Variants in SPATA13 observed in about 807,000 individuals in gnomAD.
SPATA13 encodes the protein spermatogenesis associated 13, also known as spermatogenesis-associated protein 13.
In SPATA13, 50 loss-of-function variants were observed where a neutral mutation model predicts 104.0. The observed-to-expected ratio is 0.48, with a 90% CI of 0.38 to 0.61. The LOEUF is 0.61. Ranked by LOEUF, SPATA13 falls within the 20% of genes least tolerant of loss-of-function variation. SPATA13 has a pLI of 0.00. For missense variants in SPATA13, 1,524 were observed against 1,690.6 expected, an observed-to-expected ratio of 0.90 and a Z score of 1.73; for synonymous variants, 606 against 667.5, an observed-to-expected ratio of 0.91 and a Z score of 1.42.
At chr13:24,233,679 A>G (rs750967768) in intron 2 of SPATA13, among the ~76,000 whole-genome samples, 2 of 152,206 alleles carry the variant, frequency 1.3e-5, no homozygotes, top group Non-Finnish European at 2.9e-5. Flanking sequence ...TTATTACCTA[A>G]TTCTTTTTCA....
intron 1 of SPATA13, among the ~76,000 whole-genome samples, chr13:23,980,952 G>A (rs1384257780): frequency 6.6e-6 from 1 of 152,070 alleles, no homozygotes; most frequent in Admixed American, 6.5e-5. Flanking sequence ...TCTACTGATG[G>A]GAGTTCCTTA....
chr13:24,011,249 G>A lies in SPATA13; in HGVS notation c.-146-6418G>A, dbSNP rs1303820774. On this transcript the variant is annotated intron_variant, in intron 2 of 14. Coordinates refer to the SPATA13 transcript ENST00000424834. The surrounding 1 kb of genome is among the most constrained non-coding windows in gnomAD (Gnocchi z 4.3). ...CGGAGCTCCCACCTGCCTCCCAGGGGAGTGGGCATCCACCCTGAGCACCTG... is the reference window on the plus strand; with the variant it reads ...CGGAGCTCCCACCTGCCTCCCAGGGAAGTGGGCATCCACCCTGAGCACCTG... Among the ~76,000 whole-genome samples the A allele has an allele frequency of 6.6e-6, 1 of 150,614 alleles. No individual in the cohort carries two copies. Among genetic ancestry groups the A allele is most frequent in the Non-Finnish European group, 1.5e-5 (1 of 67,594 alleles).
At chr13:24,220,372 T>C (rs1871508764) in intron 1 of SPATA13, among the ~76,000 whole-genome samples, 1 of 151,942 alleles carries the variant, frequency 6.6e-6, no homozygotes, top group South Asian at 2.1e-4. Context: ...TTCTCTTCTG[T>C]ATTCAGTGCG....
At chr13:24,137,998 A>G (rs1881628468) in intron 3 of SPATA13, among the ~76,000 whole-genome samples, 1 of 152,048 alleles carries the variant, frequency 6.6e-6, no homozygotes, top group Admixed American at 6.6e-5. Flanking sequence ...TTGCCTGGAG[A>G]TGATTATAAA....
intron 3 of SPATA13, among the ~76,000 whole-genome samples, chr13:24,059,165 G>T (rs1878688080): frequency 6.6e-6 from 1 of 151,508 alleles, no homozygotes; most frequent in African/African-American, 2.4e-5. Flanking sequence ...TAGAGACGGG[G>T]TTTCACCGTG....
At chr13:24,200,547 CG>C (rs1566147132) in intron 1 of SPATA13, among the ~76,000 whole-genome samples, 1 of 152,016 alleles carries the variant, frequency 6.6e-6, no homozygotes, top group African/African-American at 2.4e-5. Context: ...ATTCTGACTT[CG>C]GGGATTATCA....
Position 24,051,890 on chromosome 13 carries a change from C to T in SPATA13, c.-112+34189C>T, listed in dbSNP as rs1044261127. 2.0e-5 allele frequency among the ~76,000 whole-genome samples: 3 copies of T among 152,290 alleles called. No individual in the cohort carries two copies. Among genetic ancestry groups the T allele is most frequent in the East Asian group, 3.9e-4 (2 of 5,184 alleles). On this transcript the variant is annotated intron_variant, in intron 3 of 14. Coordinates refer to the SPATA13 transcript ENST00000424834. The surrounding 1 kb of genome is among the most constrained non-coding windows in gnomAD (Gnocchi z 4.2). ...CCAGCCTGGGGTCCTAGGAGTTCCC[C>T]GGCACCTGTTCCTCCTCCTCAGCCC...
chr13:24,163,635 A>G (rs1334094900), intron 1 of SPATA13, among the ~76,000 whole-genome samples: 1 of 152,194 alleles, frequency 6.6e-6, no homozygotes, highest in Non-Finnish European at 1.5e-5. Flanking sequence ...TTTCTACTTT[A>G]CAGATACTGA....
At chr13:23,989,448 A>T (rs1405023841) in intron 2 of SPATA13, among the ~76,000 whole-genome samples, 1 of 152,122 alleles carries the variant, frequency 6.6e-6, no homozygotes, top group Non-Finnish European at 1.5e-5. Context: ...TACTCAAGTT[A>T]TCTTTTAAAA....
At chr13:24,123,343 C>T (rs1282117553) in intron 3 of SPATA13, 5 of 1,351,606 alleles carry the variant, frequency 3.7e-6, no homozygotes, top group African/African-American at 2.9e-5. Context: ...TCGAACTTCA[C>T]TTCACAGAAA....
rs1255972319 is a variant in SPATA13 at position 24,307,014 on chromosome 13, T to A, written c.*4241T>A. 1 of 152,278 alleles carries A rather than the reference T, an allele frequency of 6.6e-6. No individual in the cohort carries two copies. Among genetic ancestry groups the A allele is most frequent in the Non-Finnish European group, 1.5e-5 (1 of 68,052 alleles). The allele number at this position is 152,278 out of a possible 1,614,324, so 9.4% of individuals were successfully genotyped here. On this transcript the variant is annotated 3_prime_UTR_variant, in exon 13 of 13. Coordinates refer to ENST00000382108, the MANE Select transcript of SPATA13 (RefSeq NM_001166271.3). The stretch of plus-strand genomic sequence containing the variant: ...TTTACAATGTTATTTGAATGATTTT[T>A]TTAAATGCTGTGAATCTATATTTGT...
At chr13:24,120,527 C>T (rs1156560046) in intron 3 of SPATA13, among the ~76,000 whole-genome samples, 2 of 152,162 alleles carry the variant, frequency 1.3e-5, no homozygotes, top group African/African-American at 4.8e-5. Flanking sequence ...TGGATTCAAA[C>T]TCTGGCTACA....
At position 24,223,266 on chromosome 13, in the gene SPATA13, T is replaced by C; in HGVS notation, c.337T>C (p.Ser113Pro). Residue 113 changes from serine to proline, a missense_variant, in exon 2 of 13, where the codon TCC (serine) becomes CCC (proline). Around this residue, in one of 2 missense-constraint regions of SPATA13, gnomAD observed 1,089 missense variants for 1,135.9 expected, o/e 0.96. Coordinates refer to ENST00000382108, the MANE Select transcript of SPATA13 (RefSeq NM_001166271.3). ...NTLASFRKMG[S>P]FKKLKSSVLK... ...CCTCGCCTCCTTCCGGAAAATGGGA[T>C]CCTTTAAGAAACTGAAGTCCTCAGT... 2.6e-6 allele frequency: 4 copies of C among 1,551,642 alleles called. No homozygotes were observed. Among genetic ancestry groups the C allele is most frequent in the Non-Finnish European group, 3.5e-6 (4 of 1,146,976 alleles).
At chr13:24,191,945 T>C (rs781510942) in intron 1 of SPATA13, among the ~76,000 whole-genome samples, 3 of 151,998 alleles carry the variant, frequency 2.0e-5, no homozygotes. Context: ...TGCGTACACA[T>C]TGAAGGGTGA....
At position 24,286,863 on chromosome 13, in the gene SPATA13, G is replaced by A. The variant is rs1402320676; in HGVS notation, c.2580G>A (p.Glu860=). ...GCCAGAGCCGCCACAGACACTGTGA[G>A]AACAAGCAGCAGATGCGGACCAACG... is the stretch of plus-strand genomic sequence containing the variant. ...EASQSRHRHC[E]NKQQMRTNVI... is the part of the protein sequence containing the mutation. Residue 860 remains glutamate, a synonymous_variant, in exon 7 of 13, where the codon GAG becomes GAA. Coordinates refer to ENST00000382108, the MANE Select transcript of SPATA13 (RefSeq NM_001166271.3). This position sits in a 1 kb window ranked among gnomAD's most constrained non-coding sequence, Gnocchi z 4.9. The A allele has an allele frequency of 6.2e-7, 1 of 1,613,848 alleles. No individual in the cohort carries two copies. The highest frequency in any genetic ancestry group is 1.3e-5 in the African/African-American group (1 of 74,916).
At chr13:24,003,014 A>G (rs1327024473) in intron 2 of SPATA13, among the ~76,000 whole-genome samples, 4 of 152,100 alleles carry the variant, frequency 2.6e-5, no homozygotes, top group East Asian at 3.8e-4. Context: ...AATTCTCCCT[A>G]TGATCTCAGG....
chr13:24,238,132 C>CTTTTTTTTTT (rs66810619), intron 2 of SPATA13, among the ~76,000 whole-genome samples: 7 of 77,142 alleles, frequency 9.1e-5, no homozygotes, highest in East Asian at 4.1e-4. Context: ...TTCTTCTTGA[C>CTTTTTTTTTT]TTTTTTTTTT....
At chr13:24,194,446 A>G (rs9511132) in intron 1 of SPATA13, among the ~76,000 whole-genome samples, 64,902 of 151,808 alleles carry the variant, frequency 0.43, 15,997 homozygotes, top group Non-Finnish European at 0.56. Context: ...GTTGAGAATC[A>G]CTGACAGAGC....
Position 24,165,061 on chromosome 13 carries a change from C to T in SPATA13, c.-112+4129C>T, listed in dbSNP as rs145045338. The stretch of plus-strand genomic sequence containing the variant: ...TGTGCTGTGGTCAGGATGTCAGCTT[C>T]GGTGGACACAGGTAATGGCTGTCCT... On this transcript the variant is annotated intron_variant, in intron 1 of 12. Coordinates refer to ENST00000382108, the MANE Select transcript of SPATA13 (RefSeq NM_001166271.3). 2.5e-4 allele frequency among the ~76,000 whole-genome samples: 38 copies of T among 152,242 alleles called. 2 individuals carry two copies. Among genetic ancestry groups the T allele is most frequent in the African/African-American group, 8.2e-4 (34 of 41,544 alleles).
Sources: gnomAD v4.1 joint callset for allele counts (sites outside exome capture counted in the v4.1 genomes callset) on GRCh38, gnomAD v4.1.1 for gene constraint, gnomAD v4.1.1 regional missense constraint, Gnocchi (gnomAD v3.1) non-coding constraint, MANE v1.5 for transcripts, NCBI Gene and HGNC (gene_info 2026-07-23, HGNC 2026-07-21) for gene names.